The following BRINP3 variants were observed in gnomAD, a reference collection of about 807,000 sequenced individuals.
BRINP3 encodes BMP/retinoic acid-inducible neural-specific protein 3.
In BRINP3, 19 loss-of-function variants were observed where a neutral mutation model predicts 71.0. The ratio of observed to expected loss-of-function variants is 0.27; its 90% CI spans 0.19 to 0.39. The LOEUF (loss-of-function observed/expected upper bound fraction) is 0.39. Ranked by LOEUF, BRINP3 falls within the 10% of genes least tolerant of loss-of-function variation. The pLI is 1.00. For missense variants in BRINP3, 959 were observed against 940.8 expected (o/e 1.02, Z -0.25); for synonymous variants, 380 against 337.7 (o/e 1.13, Z -1.37).
intron 7 of BRINP3, among the ~76,000 whole-genome samples, chr1:190,101,711 GAATT>G (rs1451995775): frequency 6.6e-6 from 1 of 152,010 alleles, no homozygotes; most frequent in Non-Finnish European, 1.5e-5. Context: ...TGAAACCAAA[GAATT>G]AATTCCTTGA....
intron 2 of BRINP3, among the ~76,000 whole-genome samples, chr1:190,394,423 T>C (rs977695090): frequency 6.6e-6 from 1 of 151,518 alleles, no homozygotes. Flanking sequence ...TTCAAATTAC[T>C]AATTATCTGT....
intron 2 of BRINP3, among the ~76,000 whole-genome samples, chr1:190,430,958 T>C (rs537818975): frequency 6.9e-6 from 1 of 145,600 alleles, no homozygotes; most frequent in East Asian, 2.0e-4. Context: ...GTATAAAGTG[T>C]TTTTTTTTTA....
chr1:190,350,639 A>C (rs1668317036), intron 2 of BRINP3, among the ~76,000 whole-genome samples: 1 of 152,104 alleles, frequency 6.6e-6, no homozygotes, highest in South Asian at 2.1e-4. Context: ...AAACATGGCT[A>C]TGCCTAATCT....
Position 190,097,912 on chromosome 1 carries a change from C to T in BRINP3, c.*106G>A, listed in dbSNP as rs1482405246. On this transcript the variant is annotated 3_prime_UTR_variant, in exon 8 of 8. Coordinates refer to ENST00000367462, the MANE Select transcript of BRINP3 (RefSeq NM_199051.3). ...TCCAATGTTATTGACTGATATAAGACAGATATTGAAAAGACAATTTAAATT... is the reference window on the plus strand; with the variant it reads ...TCCAATGTTATTGACTGATATAAGATAGATATTGAAAAGACAATTTAAATT... 1.6e-6 allele frequency: 2 copies of T among 1,219,668 alleles called. No individual in the cohort carries two copies. The highest frequency in any genetic ancestry group is 2.3e-5 in the East Asian group (1 of 42,800). The allele number at this position is 1,219,668 out of a possible 1,614,324, so 75.6% of individuals were successfully genotyped here.
chr1:190,230,088 A>C (rs1657816842), intron 5 of BRINP3, among the ~76,000 whole-genome samples: 1 of 151,998 alleles, frequency 6.6e-6, no homozygotes, highest in African/African-American at 2.4e-5. Flanking sequence ...TAATTAGGGA[A>C]CTGAAATATT....
intron 6 of BRINP3, among the ~76,000 whole-genome samples, chr1:190,174,179 T>A (rs773545264): frequency 6.6e-6 from 1 of 152,170 alleles, no homozygotes; most frequent in African/African-American, 2.4e-5. Context: ...ATCAGTCCTA[T>A]GAAGTAAATA....
chr1:190,332,487 C>G (rs1667031694), intron 2 of BRINP3, among the ~76,000 whole-genome samples: 1 of 151,970 alleles, frequency 6.6e-6, no homozygotes, highest in Non-Finnish European at 1.5e-5. Context: ...ACCTGTTCAC[C>G]TTTTCCAGGG....
chr1:190,455,080 C>T (rs562162446), intron 1 of BRINP3, 140 bp from the exon 2 acceptor site: 1 of 495,728 alleles, frequency 2.0e-6, no homozygotes, highest in African/African-American at 1.9e-5. Flanking sequence ...AAAATACAAA[C>T]CAAAATTATT....
intron 2 of BRINP3, among the ~76,000 whole-genome samples, chr1:190,418,047 G>A (rs959586797): frequency 1.3e-5 from 2 of 152,132 alleles, no homozygotes; most frequent in Admixed American, 6.6e-5. Context: ...CCTCTGCTGG[G>A]CATCTAGTTC....
chr1:190,196,968 A>G (rs1654540194), intron 6 of BRINP3, among the ~76,000 whole-genome samples: 1 of 150,504 alleles, frequency 6.6e-6, no homozygotes, highest in African/African-American at 2.4e-5. Flanking sequence ...TAAATTATAT[A>G]TTATTGTTTT....
intron 4 of BRINP3, among the ~76,000 whole-genome samples, chr1:190,255,305 G>A (rs527728299): frequency 6.6e-6 from 1 of 151,484 alleles, no homozygotes; most frequent in East Asian, 2.0e-4. Flanking sequence ...CATAAAATGA[G>A]TTAGGGAGGA....
intron 7 of BRINP3, among the ~76,000 whole-genome samples, chr1:190,102,176 T>C (rs1342391251): frequency 6.6e-6 from 1 of 152,198 alleles, no homozygotes; most frequent in Non-Finnish European, 1.5e-5. Flanking sequence ...ACCTGTCTTT[T>C]CTTTACTCCT....
At chr1:190,121,426 CA>C (rs568202374) in intron 7 of BRINP3, among the ~76,000 whole-genome samples, 49 of 152,082 alleles carry the variant, frequency 3.2e-4, no homozygotes, top group Non-Finnish European at 6.2e-4. Context: ...TAACTTAAAA[CA>C]AAGACTACAT....
At chr1:190,418,109 G>C (rs1673125900) in intron 2 of BRINP3, among the ~76,000 whole-genome samples, 2 of 152,176 alleles carry the variant, frequency 1.3e-5, no homozygotes, top group South Asian at 2.1e-4. Context: ...TGACTTGCCT[G>C]ATTAGTCTTG....
intron 6 of BRINP3, among the ~76,000 whole-genome samples, chr1:190,172,771 C>T (rs1245183484): frequency 2.6e-5 from 4 of 152,080 alleles, no homozygotes; most frequent in African/African-American, 7.2e-5. Flanking sequence ...ACTGAACATA[C>T]GACAATCGAA....
chr1:190,396,373 C>T (rs761140179), intron 2 of BRINP3, among the ~76,000 whole-genome samples: 1 of 151,726 alleles, frequency 6.6e-6, no homozygotes, highest in African/African-American at 2.4e-5. Flanking sequence ...CTATCATCCT[C>T]AGTAACTGTA....
At chr1:190,162,518 A>G (rs1196795753) in intron 6 of BRINP3, among the ~76,000 whole-genome samples, 2 of 152,126 alleles carry the variant, frequency 1.3e-5, no homozygotes, top group African/African-American at 4.8e-5. Context: ...CCTCTTTTGA[A>G]TAAAGAGTTA....
chr1:190,176,372 C>T (rs1033384088), intron 6 of BRINP3, among the ~76,000 whole-genome samples: 3 of 152,072 alleles, frequency 2.0e-5, no homozygotes, highest in Non-Finnish European at 2.9e-5. Flanking sequence ...GAGTTATTTG[C>T]CTCCAATACC....
chr1:190,466,153 CT>C (rs1676731860), intron 1 of BRINP3, among the ~76,000 whole-genome samples: 1 of 130,424 alleles, frequency 7.7e-6, no homozygotes, highest in Non-Finnish European at 1.7e-5. Flanking sequence ...TTTTTTTTTT[CT>C]TTAACAATGA....
Sources: allele counts gnomAD v4.1 joint callset (sites outside exome capture counted in the v4.1 genomes callset), GRCh38; gene constraint gnomAD v4.1.1; transcripts MANE v1.5; gene names NCBI Gene and HGNC (gene_info 2026-07-23, HGNC 2026-07-21).